Variants in TAS2R1 observed in about 807,000 individuals in gnomAD.
TAS2R1 encodes the protein taste 2 receptor member 1, also known as taste receptor type 2 member 1.
For synonymous variants in TAS2R1, 141 were observed against 134.2 expected (o/e 1.05, Z -0.35); for missense variants, 370 against 353.4 (o/e 1.05, Z -0.38).
the TAS2R1 span, among the ~76,000 whole-genome samples, chr5:9,721,104 T>C: frequency 1.1e-4 from 16 of 152,016 alleles, no homozygotes; most frequent in East Asian, 2.7e-3. Context: ...TGATCAAGCC[T>C]TTTTTTTGGC....
chr5:9,872,749 A>G, the TAS2R1 span, among the ~76,000 whole-genome samples: 1 of 152,266 alleles, frequency 6.6e-6, no homozygotes, highest in Non-Finnish European at 1.5e-5. Context: ...TAGCACATGA[A>G]GAAATGATAT....
At chr5:9,685,391 T>C (rs373130804) in intron 1 of TAS2R1, among the ~76,000 whole-genome samples, 1 of 152,084 alleles carries the variant, frequency 6.6e-6, no homozygotes, top group Admixed American at 6.5e-5. Context: ...TGGAGAGCTA[T>C]AGATGTAATA....
At chr5:9,789,887 T>A in the TAS2R1 span, among the ~76,000 whole-genome samples, 1 of 152,248 alleles carries the variant, frequency 6.6e-6, no homozygotes, top group African/African-American at 2.4e-5. Context: ...TTCTGCTTCG[T>A]AAGTCCTGCA....
chr5:9,789,864 A>G, the TAS2R1 span, among the ~76,000 whole-genome samples: 817 of 152,364 alleles, frequency 5.4e-3, 11 homozygotes, highest in East Asian at 0.074. Flanking sequence ...TGCAACAAGT[A>G]TATTGGCTGT....
At chr5:9,813,646 T>A in the TAS2R1 span, among the ~76,000 whole-genome samples, 1 of 152,212 alleles carries the variant, frequency 6.6e-6, no homozygotes, top group East Asian at 1.9e-4. Flanking sequence ...ACAGTATAGA[T>A]TCCTTAGCCT....
chr5:9,682,524 G>A (rs1212885169), intron 1 of TAS2R1, among the ~76,000 whole-genome samples: 14 of 152,130 alleles, frequency 9.2e-5, no homozygotes, highest in Non-Finnish European at 1.5e-5. Flanking sequence ...CCTTCTGTGT[G>A]ACCCTGATGA....
chr5:9,661,342 A>G (rs1189056977), intron 1 of TAS2R1, among the ~76,000 whole-genome samples: 1 of 152,200 alleles, frequency 6.6e-6, no homozygotes, highest in Non-Finnish European at 1.5e-5. Flanking sequence ...TTTCAGCCCA[A>G]ATTAGCTGGG....
At chr5:9,691,440 G>T (rs1741248375) in intron 1 of TAS2R1, among the ~76,000 whole-genome samples, 1 of 152,260 alleles carries the variant, frequency 6.6e-6, no homozygotes, top group Non-Finnish European at 1.5e-5. Context: ...GTGGTACTTT[G>T]CCTTGGCAGC....
At chr5:9,818,815 G>T in the TAS2R1 span, among the ~76,000 whole-genome samples, 1 of 152,116 alleles carries the variant, frequency 6.6e-6, no homozygotes, top group Admixed American at 6.5e-5. Context: ...TGCAAGATGT[G>T]GGACACAAGG....
At chr5:9,858,498 T>C in the TAS2R1 span, among the ~76,000 whole-genome samples, 2 of 152,186 alleles carry the variant, frequency 1.3e-5, no homozygotes, top group African/African-American at 4.8e-5. Flanking sequence ...AGGATGAAGC[T>C]TACAAACAAC....
upstream of TAS2R1, among the ~76,000 whole-genome samples, chr5:9,715,041 CT>C (rs1200105903): frequency 6.6e-6 from 1 of 152,194 alleles, no homozygotes; most frequent in African/African-American, 2.4e-5. Flanking sequence ...CTCGTCCACT[CT>C]TTCAAGCTAA....
chr5:9,660,778 G>A lies in TAS2R1; in HGVS notation c.-241-1197C>T, dbSNP rs141675077. ...TCTAATTGCATGAGTTCTTAAAATA[G>A]GAAGGGGAATCAAGGGAAGTGTATC... On this transcript the variant is annotated intron_variant, in intron 1 of 2. Coordinates refer to the TAS2R1 transcript ENST00000506620. Among the ~76,000 whole-genome samples the A allele has an allele frequency of 4.6e-3, 706 of 152,274 alleles. 4 individuals carry two copies. The highest frequency in any genetic ancestry group is 0.019 in the South Asian group (91 of 4,820).
chr5:9,754,769 C>T, the TAS2R1 span, among the ~76,000 whole-genome samples: 1 of 152,174 alleles, frequency 6.6e-6, no homozygotes, highest in Non-Finnish European at 1.5e-5. Context: ...GAAGAACATT[C>T]CACGCTCATG....
intron 1 of TAS2R1, among the ~76,000 whole-genome samples, chr5:9,710,718 A>G (rs546374638): frequency 6.6e-6 from 1 of 151,840 alleles, no homozygotes; most frequent in Non-Finnish European, 1.5e-5. Context: ...TGATTAAAAA[A>G]TTTGCAATGG....
At chr5:9,704,920 C>A (rs1304392421) in intron 1 of TAS2R1, among the ~76,000 whole-genome samples, 1 of 152,208 alleles carries the variant, frequency 6.6e-6, no homozygotes, top group East Asian at 1.9e-4. Context: ...TTCTAGCAAT[C>A]TATCCAACAG....
intron 1 of TAS2R1, among the ~76,000 whole-genome samples, chr5:9,705,597 G>A (rs771433726): frequency 3.3e-5 from 5 of 152,208 alleles, no homozygotes; most frequent in Admixed American, 1.3e-4. Flanking sequence ...GGTGGTTCAC[G>A]CCTGTAATCG....
At position 9,627,872 on chromosome 5, in the gene TAS2R1, G is replaced by A. The variant is rs1011250501; in HGVS notation, c.*1261C>T. Among the ~76,000 whole-genome samples, 2 of 152,226 alleles carry A rather than the reference G, an allele frequency of 1.3e-5. No individual in the cohort carries two copies. The highest frequency in any genetic ancestry group is 4.8e-5 in the African/African-American group (2 of 41,536). On this transcript the variant is annotated 3_prime_UTR_variant, in exon 1 of 1. Coordinates refer to ENST00000382492, the MANE Select transcript of TAS2R1 (RefSeq NM_019599.3). ...TTCCCATGCCCAAGAAGATAAGTAC[G>A]TCCCTGAATCTCCTGAAGCAAAATC...
chr5:9,696,647 C>T (rs1741361373), intron 1 of TAS2R1, among the ~76,000 whole-genome samples: 1 of 151,906 alleles, frequency 6.6e-6, no homozygotes, highest in Non-Finnish European at 1.5e-5. Context: ...AGTATGTAAT[C>T]AGAGGGACAT....
At chr5:9,767,314 C>G in the TAS2R1 span, among the ~76,000 whole-genome samples, 1 of 151,996 alleles carries the variant, frequency 6.6e-6, no homozygotes, top group Non-Finnish European at 1.5e-5. Flanking sequence ...CCCACCTGCT[C>G]CTTGCCAGCT....
Sources: allele counts gnomAD v4.1 joint callset (sites outside exome capture counted in the v4.1 genomes callset), GRCh38; gene constraint gnomAD v4.1.1; transcripts MANE v1.5; gene names NCBI Gene and HGNC (gene_info 2026-07-23, HGNC 2026-07-21).